The following HTR2B variants were observed in gnomAD, a reference collection of about 807,000 sequenced individuals.
HTR2B encodes 5-HT 2B receptor.
Under a neutral mutation model 39.8 loss-of-function variants are expected in HTR2B, and 31 were observed. The observed-to-expected ratio is 0.78, with a 90% CI of 0.58 to 1.05. The LOEUF (loss-of-function observed/expected upper bound fraction) is 1.05, where lower values mean the gene tolerates loss of function less well. Ranked by LOEUF, HTR2B falls within the 50% of genes least tolerant of loss-of-function variation. The pLI, the probability that HTR2B is intolerant of heterozygous loss-of-function variation, is 0.00. For synonymous variants in HTR2B, 210 were observed against 207.1 expected (o/e 1.01, Z -0.12); for missense variants, 562 against 578.0 (o/e 0.97, Z 0.28).
chr2:231,123,889 CTTCCTT>C lies in HTR2B; in HGVS notation c.-131_-126del. The C allele has an allele frequency of 1.3e-6, 1 of 762,990 alleles. No individual in the cohort carries two copies. The highest frequency in any genetic ancestry group is 2.3e-6 in the Non-Finnish European group (1 of 434,966). 47.3% of individuals were successfully genotyped at this position (762,990 alleles called of 1,614,324 possible). A position where few individuals can be genotyped will look rare whatever the true frequency, so the allele number is the denominator to read the frequency against. On this transcript the variant is annotated 5_prime_UTR_variant, in exon 2 of 4. An upstream open reading frame in the 5' UTR loses its in-frame stop. Coordinates refer to ENST00000258400, the MANE Select transcript of HTR2B (RefSeq NM_000867.5). ...AACACTCAAAAGCCAAAGTTGACAC[CTTCCTT>C]TAAAAAAAAAAATTCAAGTTCTCTA...
At chr2:231,109,702 A>G (rs932686744) in intron 3 of HTR2B, among the ~76,000 whole-genome samples, 8 of 152,228 alleles carry the variant, frequency 5.3e-5, no homozygotes, top group African/African-American at 1.4e-4. Flanking sequence ...CATTTATTCT[A>G]CATTTCTCAT....
At chr2:231,117,444 CTT>C (rs1574745502) in intron 2 of HTR2B, among the ~76,000 whole-genome samples, 1 of 152,046 alleles carries the variant, frequency 6.6e-6, no homozygotes, top group Non-Finnish European at 1.5e-5. Context: ...AAATTAGACT[CTT>C]TCATTAAAAT....
Position 231,123,669 on chromosome 2 carries a change from A to G in HTR2B, c.96T>C (p.Ser32=). The G allele has an allele frequency of 6.2e-7, 1 of 1,614,102 alleles. No homozygotes were observed. Among genetic ancestry groups the G allele is most frequent in the Non-Finnish European group, 8.5e-7 (1 of 1,179,934 alleles). ...CTGGTATTGATTCTGTCTGTAATCC[A>G]GACCAGTTAGAAGAGATAACGTGAA... ...TFVHVISSNW[S]GLQTESIPEE... Residue 32 remains serine, a synonymous_variant, in exon 2 of 4, where the codon TCT becomes TCC. Coordinates refer to ENST00000258400, the MANE Select transcript of HTR2B (RefSeq NM_000867.5).
At chr2:231,119,986 C>G (rs1316929774) in intron 2 of HTR2B, among the ~76,000 whole-genome samples, 1 of 144,416 alleles carries the variant, frequency 6.9e-6, no homozygotes, top group Non-Finnish European at 1.5e-5. Flanking sequence ...AGAGCCTCAC[C>G]CCGTCACCCA....
At chr2:231,110,737 A>G (rs952496837) in intron 3 of HTR2B, among the ~76,000 whole-genome samples, 1 of 152,210 alleles carries the variant, frequency 6.6e-6, no homozygotes, top group Non-Finnish European at 1.5e-5. Flanking sequence ...CAGTTTGAGG[A>G]CCATTGGCCC....
chr2:231,109,617 G>A (rs1695087309), intron 3 of HTR2B, among the ~76,000 whole-genome samples: 1 of 152,134 alleles, frequency 6.6e-6, no homozygotes, highest in South Asian at 2.1e-4. Flanking sequence ...AACGGAGATT[G>A]GTTAGTAATT....
Position 231,108,420 on chromosome 2 carries a change from T to C in HTR2B, c.*97A>G. The C allele has an allele frequency of 1.2e-6, 1 of 848,732 alleles. No homozygotes were observed. The highest frequency in any genetic ancestry group is 1.9e-6 in the Non-Finnish European group (1 of 529,564). 52.6% of individuals were successfully genotyped at this position (848,732 alleles called of 1,614,324 possible). A position where few individuals can be genotyped will look rare whatever the true frequency, so the allele number is the denominator to read the frequency against. ...CTTAGGTTAAAGAGATGATTTGATA[T>C]ATGACATAAAATTCTTTATATAATA... On this transcript the variant is annotated 3_prime_UTR_variant, in exon 4 of 4. Coordinates refer to ENST00000258400, the MANE Select transcript of HTR2B (RefSeq NM_000867.5).
intron 3 of HTR2B, among the ~76,000 whole-genome samples, chr2:231,111,214 C>G (rs985251030): frequency 2.0e-5 from 3 of 152,164 alleles, no homozygotes; most frequent in African/African-American, 7.2e-5. Context: ...ATTATTTGCA[C>G]TAAAGCCATC....
At chr2:231,123,350 C>T (rs1260433449) in intron 2 of HTR2B, 63 bp downstream of exon 2, 1 of 1,138,714 alleles carries the variant, frequency 8.8e-7, no homozygotes, top group Non-Finnish European at 1.3e-6. Context: ...AAATGAGTGT[C>T]CATTCTCTAA....
chr2:231,109,279 T>G lies in HTR2B; in HGVS notation c.684A>C (p.Thr228=). 2.5e-6 allele frequency: 4 copies of G among 1,614,116 alleles called. No individual in the cohort carries two copies. The highest frequency in any genetic ancestry group is 3.4e-6 in the Non-Finnish European group (4 of 1,180,008). ...AGGTGACAATCATAATTGCAAGAGG[T>G]GTGAAGAAGGCAGCCAGTGAGCCAA... ...MLFGSLAAFF[T]PLAIMIVTYF... The change falls in exon 4 of 4, where the codon ACA becomes ACC. Residue 228 remains threonine (T), a synonymous_variant. Coordinates refer to ENST00000258400, the MANE Select transcript of HTR2B (RefSeq NM_000867.5).
intron 3 of HTR2B, 56 bp downstream of exon 3, chr2:231,113,673 G>T: frequency 2.0e-6 from 3 of 1,492,544 alleles, no homozygotes; most frequent in African/African-American, 1.4e-5. Context: ...TATTCTCCTA[G>T]CCAAGTGGAA....
At chr2:231,123,148 C>T (rs1384636117) in intron 2 of HTR2B, among the ~76,000 whole-genome samples, 3 of 151,970 alleles carry the variant, frequency 2.0e-5, no homozygotes, top group Non-Finnish European at 4.4e-5. Context: ...CTATAAATAT[C>T]ACTAACTTGA....
chr2:231,119,458 A>G (rs1312898021), intron 2 of HTR2B, among the ~76,000 whole-genome samples: 3 of 152,166 alleles, frequency 2.0e-5, no homozygotes, highest in Non-Finnish European at 4.4e-5. Flanking sequence ...ACACGGGAGA[A>G]CCAGGATTCA....
chr2:231,110,816 G>A (rs1328825561), intron 3 of HTR2B, among the ~76,000 whole-genome samples: 1 of 152,162 alleles, frequency 6.6e-6, no homozygotes, highest in Non-Finnish European at 1.5e-5. Context: ...TATTGTCTGT[G>A]GCTGCTTTTG....
chr2:231,110,810 G>A (rs557900553), intron 3 of HTR2B, among the ~76,000 whole-genome samples: 2 of 152,284 alleles, frequency 1.3e-5, no homozygotes, highest in East Asian at 3.9e-4. Flanking sequence ...GTAACATATT[G>A]TCTGTGGCTG....
At chr2:231,120,560 T>G (rs1574749213) in intron 2 of HTR2B, among the ~76,000 whole-genome samples, 1 of 152,322 alleles carries the variant, frequency 6.6e-6, no homozygotes, top group East Asian at 1.9e-4. Context: ...GCCTGAGTTG[T>G]CATAATCTTG....
chr2:231,114,945 A>G (rs1158481534), intron 2 of HTR2B, among the ~76,000 whole-genome samples: 4 of 152,162 alleles, frequency 2.6e-5, no homozygotes, highest in Admixed American at 6.5e-5. Flanking sequence ...AACAGATGTC[A>G]TGCATGTGAG....
intron 3 of HTR2B, among the ~76,000 whole-genome samples, chr2:231,112,886 T>G (rs1430587304): frequency 6.6e-6 from 1 of 152,124 alleles, no homozygotes; most frequent in Admixed American, 6.5e-5. Flanking sequence ...TCAAAACACT[T>G]AAGTGCAGTG....
rs745662383 is a variant in HTR2B, at chr2:231,113,905, A to C, written c.377T>G (p.Val126Gly). Residue 126 changes from valine to glycine, a missense_variant, in exon 3 of 4, where the codon GTT (valine) becomes GGT (glycine). Transcript: ENST00000258400. ...AAGAAATAACCAGGCAGGACATAGA[A>C]CAAGTGGGAGGGGCCACATAGCCTC... ...MFEAMWPLPL[V>G]LCPAWLFLDV... The C allele has an allele frequency of 6.2e-7, 1 of 1,614,164 alleles. No homozygotes were observed. Among genetic ancestry groups the C allele is most frequent in the Non-Finnish European group, 8.5e-7 (1 of 1,180,012 alleles).
Sources: gnomAD v4.1 joint callset for allele counts (sites outside exome capture counted in the v4.1 genomes callset) on GRCh38, gnomAD v4.1.1 for gene constraint, MANE v1.5 for transcripts, NCBI Gene and HGNC (gene_info 2026-07-23, HGNC 2026-07-21) for gene names.